Variants in RCAN2 observed in about 807,000 individuals in gnomAD.
The protein encoded by RCAN2 is calcipressin-2.
A neutral mutation model predicts 23.6 loss-of-function variants in RCAN2; 9 were observed. That is an observed-to-expected ratio of 0.38 (90% CI 0.23 to 0.67). The LOEUF (loss-of-function observed/expected upper bound fraction) is 0.67. Ranked by LOEUF, RCAN2 falls within the 30% of genes least tolerant of loss-of-function variation. The pLI is 0.51. For synonymous variants in RCAN2, 109 were observed against 115.7 expected, an observed-to-expected ratio of 0.94 and a Z score of 0.37; for missense variants, 273 against 302.3, an observed-to-expected ratio of 0.90 and a Z score of 0.72.
intron 2 of RCAN2, among the ~76,000 whole-genome samples, chr6:46,278,790 C>T (rs1232087044): frequency 6.6e-6 from 1 of 152,148 alleles, no homozygotes; most frequent in Non-Finnish European, 1.5e-5. Flanking sequence ...TGATTAGATT[C>T]GGGCAATACA....
At chr6:46,352,637 A>G (rs1764699730) in intron 2 of RCAN2, among the ~76,000 whole-genome samples, 1 of 152,202 alleles carries the variant, frequency 6.6e-6, no homozygotes, top group African/African-American at 2.4e-5. Flanking sequence ...AAACTGACTG[A>G]AACATTCACT....
intron 2 of RCAN2, among the ~76,000 whole-genome samples, chr6:46,339,678 T>A (rs780134908): frequency 2.6e-5 from 4 of 152,180 alleles, no homozygotes; most frequent in Non-Finnish European, 5.9e-5. Context: ...TTCTTGACCA[T>A]CCCTGCATTC....
At chr6:46,229,116 G>A (rs888659186) in intron 4 of RCAN2, among the ~76,000 whole-genome samples, 1 of 152,184 alleles carries the variant, frequency 6.6e-6, no homozygotes, top group African/African-American at 2.4e-5. Context: ...CTTCTGGCTT[G>A]TAGAGTTTCT....
intron 2 of RCAN2, among the ~76,000 whole-genome samples, chr6:46,333,874 C>T (rs572276198): frequency 3.0e-4 from 46 of 152,368 alleles, no homozygotes; most frequent in African/African-American, 8.7e-4. Flanking sequence ...TAAACACACA[C>T]TAGAGACCTC....
chr6:46,456,944 C>T lies in RCAN2; in HGVS notation c.33G>A (p.Arg11=). 1.9e-6 allele frequency: 3 copies of T among 1,550,854 alleles called. No individual in the cohort carries two copies. Among genetic ancestry groups the T allele is most frequent in the South Asian group, 1.2e-5 (1 of 84,058 alleles). Residue 11 remains arginine, a synonymous_variant, in exon 2 of 5, where the codon AGG becomes AGA. Transcript: ENST00000371374. MRGESYFIGM[R]SPGQQGHVPE... ...GGACGTGTCCCTGCTGCCCTGGGCT[C>T]CTCATTCCGATGAAGTATGATTCTC...
intron 1 of RCAN2, among the ~76,000 whole-genome samples, chr6:46,479,179 C>T (rs1467598769): frequency 6.6e-6 from 1 of 152,078 alleles, no homozygotes; most frequent in Non-Finnish European, 1.5e-5. Flanking sequence ...TTTTTTGCAT[C>T]GAAGATTTTC....
intron 1 of RCAN2, among the ~76,000 whole-genome samples, chr6:46,460,587 A>AC (rs5875966): frequency 0.51 from 77,692 of 151,936 alleles, 20,174 homozygotes; most frequent in East Asian, 0.61. Context: ...CTCCCTGAGC[A>AC]CCTGCACAGC....
chr6:46,403,254 C>T (rs956972636), intron 2 of RCAN2, among the ~76,000 whole-genome samples: 2 of 151,942 alleles, frequency 1.3e-5, no homozygotes, highest in Admixed American at 1.3e-4. Flanking sequence ...CGTGAGCCAC[C>T]GCGCCCAGCC....
intron 1 of RCAN2, among the ~76,000 whole-genome samples, chr6:46,457,614 C>G (rs879320045): frequency 2.6e-5 from 4 of 152,154 alleles, no homozygotes; most frequent in Non-Finnish European, 5.9e-5. Context: ...CATGATAACT[C>G]TAACAGGTAA....
At chr6:46,474,926 C>T (rs1236625851) in intron 1 of RCAN2, among the ~76,000 whole-genome samples, 1 of 152,188 alleles carries the variant, frequency 6.6e-6, no homozygotes, top group Non-Finnish European at 1.5e-5. Context: ...TCTAGGTGAA[C>T]ATTGTCTTAC....
At chr6:46,374,169 G>A (rs145007874) in intron 2 of RCAN2, among the ~76,000 whole-genome samples, 2,164 of 152,260 alleles carry the variant, frequency 0.014, 48 homozygotes, top group South Asian at 0.12. Context: ...TATTGGTTAT[G>A]TGAATACTCC....
chr6:46,382,830 T>C (rs1236489359), intron 2 of RCAN2, among the ~76,000 whole-genome samples: 1 of 152,224 alleles, frequency 6.6e-6, no homozygotes, highest in African/African-American at 2.4e-5. Context: ...AATTGCTTCC[T>C]GGAAACATGT....
chr6:46,361,209 C>A (rs959617743), intron 2 of RCAN2, among the ~76,000 whole-genome samples: 1 of 152,100 alleles, frequency 6.6e-6, no homozygotes, highest in African/African-American at 2.4e-5. Flanking sequence ...GAACTCTATC[C>A]TGGGGGAAGG....
At chr6:46,265,024 C>T (rs538387161) in intron 2 of RCAN2, among the ~76,000 whole-genome samples, 2 of 152,050 alleles carry the variant, frequency 1.3e-5, no homozygotes, top group South Asian at 4.1e-4. Flanking sequence ...GAAGCTGGGT[C>T]GATATGGCTT....
At chr6:46,253,494 T>C (rs534689596) in intron 2 of RCAN2, among the ~76,000 whole-genome samples, 63 of 152,330 alleles carry the variant, frequency 4.1e-4, no homozygotes, top group Admixed American at 1.2e-3. Flanking sequence ...AGTCAAACAT[T>C]GTATTTCTGG....
chr6:46,281,697 A>G (rs895177114), intron 2 of RCAN2, among the ~76,000 whole-genome samples: 3 of 152,168 alleles, frequency 2.0e-5, no homozygotes, highest in Non-Finnish European at 4.4e-5. Flanking sequence ...TCTTTTTATT[A>G]GTGATTCCAA....
intron 2 of RCAN2, among the ~76,000 whole-genome samples, chr6:46,414,100 T>C (rs1766630353): frequency 6.6e-6 from 1 of 152,118 alleles, no homozygotes; most frequent in Non-Finnish European, 1.5e-5. Context: ...AAATTAGAGA[T>C]TAAAATGCCA....
intron 2 of RCAN2, among the ~76,000 whole-genome samples, chr6:46,439,582 A>C (rs1767470738): frequency 6.6e-6 from 1 of 152,188 alleles, no homozygotes; most frequent in Non-Finnish European, 1.5e-5. Context: ...AGTGGTGCCT[A>C]AAGAGGAATC....
chr6:46,365,054 C>T (rs1052723995), intron 2 of RCAN2, among the ~76,000 whole-genome samples: 2 of 152,156 alleles, frequency 1.3e-5, no homozygotes, highest in Admixed American at 6.5e-5. Flanking sequence ...CAGCCCTAAT[C>T]GCACTTTGAT....
Sources: allele counts gnomAD v4.1 joint callset (sites outside exome capture counted in the v4.1 genomes callset), GRCh38; gene constraint gnomAD v4.1.1; transcripts MANE v1.5; gene names NCBI Gene and HGNC (gene_info 2026-07-23, HGNC 2026-07-21).